Variants in LRRC2 observed in about 807,000 individuals in gnomAD.
LRRC2 encodes leucine rich repeat containing 2, also known as leucine-rich repeat-containing protein 2.
In LRRC2, 27 loss-of-function variants were observed where a neutral mutation model predicts 40.2. That is an observed-to-expected ratio of 0.67 (90% CI 0.49 to 0.93). The LOEUF (loss-of-function observed/expected upper bound fraction) is 0.93. LRRC2 is among the 40% of genes least tolerant of loss of function. The pLI, the probability that LRRC2 is intolerant of heterozygous loss-of-function variation, is 0.00. For missense variants in LRRC2, 402 were observed against 439.6 expected (o/e 0.91, Z 0.76); for synonymous variants, 147 against 158.9 (o/e 0.92, Z 0.56).
chr3:46,524,428 T>C (rs1167074881), intron 7 of LRRC2, among the ~76,000 whole-genome samples: 2 of 152,288 alleles, frequency 1.3e-5, no homozygotes, highest in Non-Finnish European at 2.9e-5. Context: ...GATATAAAAA[T>C]TCTTCCGTTT....
intron 4 of LRRC2, among the ~76,000 whole-genome samples, chr3:46,536,983 C>T (rs1396528834): frequency 6.6e-6 from 1 of 152,268 alleles, no homozygotes; most frequent in Middle Eastern, 3.4e-3. Context: ...TTTGACAGCT[C>T]CATGCTTAAT....
At chr3:46,533,600 C>A (rs1358575636) in intron 4 of LRRC2, among the ~76,000 whole-genome samples, 9 of 152,148 alleles carry the variant, frequency 5.9e-5, no homozygotes, top group Non-Finnish European at 1.0e-4. Context: ...CAAAATCATC[C>A]AACATAAAGC....
chr3:46,551,497 A>G lies in LRRC2; in HGVS notation c.95T>C (p.Val32Ala), dbSNP rs28687398. 0.093 allele frequency: 149,339 copies of G among 1,613,360 alleles called. 7,932 individuals carry two copies. Among genetic ancestry groups the G allele is most frequent in the South Asian group, 0.18 (16,343 of 90,858 alleles). Residue 32 changes from valine (V) to alanine (A), a missense_variant, in exon 2 of 9, where the codon GTG (valine) becomes GCG (alanine). Transcript: ENST00000395905. The part of the protein sequence containing the change: ...KKHKAWQKKE[V>A]ERLEKSALEK... ...CAAGGCGCTCTTCTCAAGCCTTTCC[A>G]CCTCCTTCTTCTGCCAAGCTTTGTG... is the stretch of plus-strand genomic sequence containing the variant.
intron 4 of LRRC2, among the ~76,000 whole-genome samples, chr3:46,536,426 C>A (rs929415234): frequency 1.7e-4 from 26 of 152,176 alleles, no homozygotes; most frequent in African/African-American, 6.0e-4. Context: ...CACTAAATGA[C>A]AGCAACAACT....
At chr3:46,520,444 T>C (rs12489420) in intron 8 of LRRC2, among the ~76,000 whole-genome samples, 58,731 of 152,022 alleles carry the variant, frequency 0.39, 13,179 homozygotes, top group East Asian at 0.53. Context: ...ACATTTACGA[T>C]AAATTTCTAA....
intron 4 of LRRC2, among the ~76,000 whole-genome samples, chr3:46,533,710 C>CTTCCTTCT (rs1704200936): frequency 1.0e-5 from 1 of 99,814 alleles, no homozygotes; most frequent in Admixed American, 9.7e-5. Context: ...AGTTTCCTTC[C>CTTCCTTCT]TTCCTTCCTT....
intron 1 of LRRC2, among the ~76,000 whole-genome samples, chr3:46,561,306 AGGTGGGTGGATT>A (rs901417447): frequency 7.9e-5 from 12 of 152,270 alleles, no homozygotes; most frequent in African/African-American, 2.6e-4. Flanking sequence ...TGGGAGGCTG[AGGTGGGTGGATT>A]GCTTAAGCTC....
chr3:46,525,054 C>G (rs923944243), intron 7 of LRRC2, among the ~76,000 whole-genome samples: 7 of 151,624 alleles, frequency 4.6e-5, no homozygotes, highest in Admixed American at 1.3e-4. Context: ...TTGAGGTCAC[C>G]CCTTCTAAAT....
chr3:46,543,647 AATAAATAAT>A lies in LRRC2; in HGVS notation c.333+1390_333+1398del, dbSNP rs1363256473. ...TAATAATAATAATAATAATAATAAT[AATAAATAAT>A]AAATACCCTTTACAATGATTTTCAA... On this transcript the variant is annotated intron_variant, in intron 3 of 8. Coordinates refer to ENST00000395905, the MANE Select transcript of LRRC2 (RefSeq NM_024512.5). 2.3e-3 allele frequency among the ~76,000 whole-genome samples: 220 copies of A among 94,882 alleles called. 2 individuals carry two copies. Among genetic ancestry groups the A allele is most frequent in the East Asian group, 0.016 (78 of 4,808 alleles). 62.2% of individuals were successfully genotyped at this position (94,882 alleles called of 152,430 possible).
At chr3:46,526,958 G>C (rs550629887) in intron 7 of LRRC2, among the ~76,000 whole-genome samples, 1 of 152,398 alleles carries the variant, frequency 6.6e-6, no homozygotes, top group African/African-American at 2.4e-5. Context: ...GGAGGGCGGA[G>C]CCAGGACTTT....
At chr3:46,532,187 G>A (rs553567263) in intron 5 of LRRC2, among the ~76,000 whole-genome samples, 14 of 152,148 alleles carry the variant, frequency 9.2e-5, no homozygotes, top group Non-Finnish European at 1.6e-4. Flanking sequence ...GAGACAACAG[G>A]CATCTTATAA....
chr3:46,527,457 T>C lies in LRRC2; in HGVS notation c.898A>G (p.Thr300Ala). 1.2e-6 allele frequency: 2 copies of C among 1,613,902 alleles called. No homozygotes were observed. Among genetic ancestry groups the C allele is most frequent in the Non-Finnish European group, 1.7e-6 (2 of 1,179,854 alleles). ...VSGDHLVELP[T>A]ALCDSSTPLK... is the part of the protein sequence containing the mutation. ...GGTGTGGATGAGTCACAAAGGGCAGTTGGGAGCTCCACCAAATGGTCCCCA... is the reference window on the plus strand; with the variant it reads ...GGTGTGGATGAGTCACAAAGGGCAGCTGGGAGCTCCACCAAATGGTCCCCA... Residue 300 changes from threonine (T) to alanine (A), a missense_variant, in exon 7 of 9, where the codon ACT becomes GCT. By Grantham distance (58) the Thr-to-Ala change is moderately conservative. Transcript: ENST00000395905.
At chr3:46,522,964 T>C (rs1300850317) in intron 7 of LRRC2, among the ~76,000 whole-genome samples, 1 of 152,216 alleles carries the variant, frequency 6.6e-6, no homozygotes, top group Non-Finnish European at 1.5e-5. Context: ...TGTCTTGAGA[T>C]GTTAGCGTGT....
intron 1 of LRRC2, among the ~76,000 whole-genome samples, chr3:46,564,371 C>A (rs1049703925): frequency 7.3e-6 from 1 of 137,660 alleles, no homozygotes; most frequent in Non-Finnish European, 1.6e-5. Flanking sequence ...AAAAACATGT[C>A]CCCTGGCACC....
intron 2 of LRRC2, among the ~76,000 whole-genome samples, chr3:46,546,956 G>A (rs1219829650): frequency 1.3e-5 from 2 of 152,012 alleles, no homozygotes; most frequent in African/African-American, 4.8e-5. Flanking sequence ...CTTGCACACT[G>A]GTCTGGCTTT....
intron 1 of LRRC2, among the ~76,000 whole-genome samples, chr3:46,560,702 G>A (rs1368166484): frequency 6.6e-6 from 1 of 152,202 alleles, no homozygotes; most frequent in Non-Finnish European, 1.5e-5. Flanking sequence ...GTCTGGTTTT[G>A]TGTGGTTGTA....
intron 2 of LRRC2, among the ~76,000 whole-genome samples, chr3:46,547,369 T>C (rs1704548171): frequency 6.6e-6 from 1 of 151,914 alleles, no homozygotes; most frequent in African/African-American, 2.4e-5. Context: ...ATAAGTAATA[T>C]AACAAAAGTG....
intron 1 of LRRC2, among the ~76,000 whole-genome samples, chr3:46,553,897 T>A (rs1275021145): frequency 6.6e-6 from 1 of 152,218 alleles, no homozygotes; most frequent in East Asian, 1.9e-4. Context: ...CGTATATAAT[T>A]TTACTCTAAA....
Position 46,545,235 on chromosome 3 carries a change from G to T in LRRC2, c.144C>A (p.Asn48Lys), listed in dbSNP as rs777195084. Residue 48 changes from asparagine (N) to lysine (K), a missense_variant, in exon 3 of 9, where the codon AAC becomes AAA. Coordinates refer to ENST00000395905, the MANE Select transcript of LRRC2 (RefSeq NM_024512.5). ...CCTTCCTCCTGCATTCGGCCACAAA[G>T]TTCCACTCCTCCTTTATCCTAAAAC... ...SALEKIKEEW[N>K]FVAECRRKGI... 3.7e-6 allele frequency: 6 copies of T among 1,614,098 alleles called. No individual in the cohort carries two copies. In the South Asian group the frequency reaches 5.5e-5, roughly 15 times the overall value.
Sources: gnomAD v4.1 joint callset for allele counts (sites outside exome capture counted in the v4.1 genomes callset) on GRCh38, gnomAD v4.1.1 for gene constraint, MANE v1.5 for transcripts, NCBI Gene and HGNC (gene_info 2026-07-23, HGNC 2026-07-21) for gene names.